TOB2: variants seen among roughly 807,000 people sequenced by gnomAD.
TOB2 encodes the protein protein Tob2.
A neutral mutation model predicts 17.3 loss-of-function variants in TOB2; 3 were observed. The ratio of observed to expected loss-of-function variants is 0.17; its 90% CI spans 0.08 to 0.45. The LOEUF is 0.45. Ranked by LOEUF, TOB2 falls within the 20% of genes least tolerant of loss-of-function variation. The pLI, the probability that TOB2 is intolerant of heterozygous loss-of-function variation, is 0.99. For synonymous variants in TOB2, 163 were observed against 185.6 expected (o/e 0.88, Z 0.99); for missense variants, 407 against 445.7 (o/e 0.91, Z 0.78).
intron 1 of TOB2, among the ~76,000 whole-genome samples, chr22:41,445,036 A>C (rs999313241): frequency 6.6e-6 from 1 of 152,204 alleles, no homozygotes; most frequent in African/African-American, 2.4e-5. Context: ...GGCAGGAATC[A>C]AACCCAGTTC....
rs1478796178 is a variant in TOB2, at chr22:41,437,331, G to T, written c.15C>A (p.Ile5=). 1 of 1,613,040 alleles carries T rather than the reference G, an allele frequency of 6.2e-7. No homozygotes were observed. The highest frequency in any genetic ancestry group is 8.5e-7 in the Non-Finnish European group (1 of 1,179,708). MQLE[I]KVALNFIISY... ...AGATGATGAAGTTCAGGGCCACTTT[G>T]ATCTCTAGCTGCATGGTCCTTTCCT... The change falls in exon 2 of 2, where the codon ATC becomes ATA. Residue 5 remains isoleucine (I), a synonymous_variant. Coordinates refer to ENST00000327492, the MANE Select transcript of TOB2 (RefSeq NM_016272.4).
intron 1 of TOB2, among the ~76,000 whole-genome samples, chr22:41,442,912 C>G (rs2037634864): frequency 6.6e-6 from 1 of 152,150 alleles, no homozygotes; most frequent in Non-Finnish European, 1.5e-5. Flanking sequence ...GCAGAGGACA[C>G]TAAGATCTTT....
chr22:41,436,752 T>A lies in TOB2; in HGVS notation c.594A>T (p.Ala198=). ...STKMKKGGGA[A]SGGGVASSGA... is the part of the protein sequence containing the mutation. Reference sequence around the variant, plus strand: ...CACTGCTGGCTACACCCCCACCACTTGCTGCCCCGCCCCCCTTCTTCATCT... The same window carrying A: ...CACTGCTGGCTACACCCCCACCACTAGCTGCCCCGCCCCCCTTCTTCATCT... Residue 198 remains alanine (A), a synonymous_variant, in exon 2 of 2, where the codon GCA becomes GCT. Transcript: ENST00000327492. This position sits in a 1 kb window ranked among gnomAD's most constrained non-coding sequence, Gnocchi z 4.8. 6.2e-7 allele frequency: 1 copy of A among 1,613,874 alleles called. No homozygotes were observed.
At chr22:41,444,229 AG>A (rs1381095806) in intron 1 of TOB2, among the ~76,000 whole-genome samples, 15 of 152,158 alleles carry the variant, frequency 9.9e-5, no homozygotes, top group African/African-American at 3.6e-4. Flanking sequence ...GCAGCGGCCC[AG>A]ACAGGCGGGT....
chr22:41,443,621 AT>A (rs71184808), intron 1 of TOB2, among the ~76,000 whole-genome samples: 5,590 of 109,066 alleles, frequency 0.051, 352 homozygotes, highest in African/African-American at 0.18. Flanking sequence ...TAGCCAGAAG[AT>A]TTTTTTTTTT....
chr22:41,436,221 T>A lies in TOB2; in HGVS notation c.*90A>T. 1.4e-6 allele frequency: 2 copies of A among 1,436,064 alleles called. No homozygotes were observed. The highest frequency in any genetic ancestry group is 1.8e-6 in the Non-Finnish European group (2 of 1,090,380). 89.0% of individuals were successfully genotyped at this position (1,436,064 alleles called of 1,614,324 possible). A position where few individuals can be genotyped will look rare whatever the true frequency, so the allele number is the denominator to read the frequency against. On this transcript the variant is annotated 3_prime_UTR_variant, in exon 2 of 2. Transcript: ENST00000327492. The surrounding 1 kb of genome is among the most constrained non-coding windows in gnomAD (Gnocchi z 4.8). ...AAGAGTGAGAAGATCGAAAATCTTT[T>A]TGTACATTTTTCTTTTCCTCTTTTT... is the stretch of plus-strand genomic sequence containing the variant.
chr22:41,436,372 T>C lies in TOB2; in HGVS notation c.974A>G (p.Tyr325Cys), dbSNP rs770673524. 3 of 1,612,444 alleles carry C rather than the reference T, an allele frequency of 1.9e-6. No individual in the cohort carries two copies. Among genetic ancestry groups the C allele is most frequent in the East Asian group, 2.2e-5 (1 of 44,882 alleles). Residue 325 changes from tyrosine to cysteine, a missense_variant, in exon 2 of 2, where the codon TAC becomes TGC. By Grantham distance (194) the Tyr-to-Cys change is radical. Coordinates refer to ENST00000327492, the MANE Select transcript of TOB2 (RefSeq NM_016272.4). The surrounding 1 kb of genome is among the most constrained non-coding windows in gnomAD (Gnocchi z 4.8). ...EKTPFVEGLSYNLNTMQYPSQ... is the reference protein window; with the variant it reads ...EKTPFVEGLSCNLNTMQYPSQ... ...GGGATACTGCATGGTGTTCAGGTTG[T>C]AGCTGAGGCCTTCCACAAAGGGTGT...
rs2037517541 is a variant in TOB2 at position 41,434,065 on chromosome 22, AAACG to A, written c.*2242_*2245del. ...ACAAATGTAGCAAATTATTCAATAC[AAACG>A]GACACCAAAAAATGTAAAAAATAAA... On this transcript the variant is annotated 3_prime_UTR_variant, in exon 2 of 2. Coordinates refer to ENST00000327492, the MANE Select transcript of TOB2 (RefSeq NM_016272.4). 1 of 154,080 alleles carries A rather than the reference AAACG, an allele frequency of 6.5e-6. No homozygotes were observed. Among genetic ancestry groups the A allele is most frequent in the Non-Finnish European group, 1.4e-5 (1 of 69,184 alleles). The allele number at this position is 154,080 out of a possible 1,614,324, so 9.5% of individuals were successfully genotyped here. A position where few individuals can be genotyped will look rare whatever the true frequency, so the allele number is the denominator to read the frequency against.
Position 41,437,031 on chromosome 22 carries a change from C to T in TOB2, c.315G>A (p.Glu105=), listed in dbSNP as rs1167093888. 1.7e-5 allele frequency: 27 copies of T among 1,614,052 alleles called. No individual in the cohort carries two copies. The highest frequency in any genetic ancestry group is 2.2e-5 in the Non-Finnish European group (26 of 1,180,040). Residue 105 remains glutamate (E), a synonymous_variant, in exon 2 of 2, where the codon GAG becomes GAA. Coordinates refer to ENST00000327492, the MANE Select transcript of TOB2 (RefSeq NM_016272.4). Reference sequence around the variant, plus strand: ...GGTACAGCACTTTCACAGCTCCCTTCTCACCAATCTGGTAGGACACCTCAA... The same window carrying T: ...GGTACAGCACTTTCACAGCTCCCTTTTCACCAATCTGGTAGGACACCTCAA... The part of the protein sequence containing the change: ...DPFEVSYQIG[E]KGAVKVLYLD...
Position 41,437,145 on chromosome 22 carries a change from C to A in TOB2, c.201G>T (p.Val67=). Residue 67 remains valine (V), a synonymous_variant, in exon 2 of 2, where the codon GTG becomes GTT. Transcript: ENST00000327492. ...CVHIGEMVDP[V]VELAAKRSGL... ...CACTCCGCTTGGCGGCCAGCTCCAC[C>A]ACGGGGTCCACCATCTCCCCAATGT... is the stretch of plus-strand genomic sequence containing the variant. 2 of 1,614,140 alleles carry A rather than the reference C, an allele frequency of 1.2e-6. No individual in the cohort carries two copies. The highest frequency in any genetic ancestry group is 1.7e-6 in the Non-Finnish European group (2 of 1,179,996).
intron 1 of TOB2, among the ~76,000 whole-genome samples, chr22:41,443,666 C>T (rs897581854): frequency 7.8e-6 from 1 of 128,110 alleles, no homozygotes; most frequent in South Asian, 2.5e-4. Context: ...TTTTGTTGCC[C>T]AGGCTGGAGT....
chr22:41,440,340 A>G (rs1239437211), intron 1 of TOB2, among the ~76,000 whole-genome samples: 1 of 150,126 alleles, frequency 6.7e-6, no homozygotes, highest in East Asian at 2.0e-4. Flanking sequence ...GATGGTCTCG[A>G]ACTGCTGACT....
At chr22:41,441,740 C>T (rs1414006862) in intron 1 of TOB2, among the ~76,000 whole-genome samples, 1 of 151,760 alleles carries the variant, frequency 6.6e-6, no homozygotes, top group Non-Finnish European at 1.5e-5. Context: ...GGTGAAACCC[C>T]GTCTCTACTA....
Position 41,437,354 on chromosome 22 carries a change from C to T in TOB2, c.-9G>A. ...TTGATCTCTAGCTGCATGGTCCTTT[C>T]CTAGGCAGAGAATCAGCACAGGGCA... On this transcript the variant is annotated 5_prime_UTR_variant, in exon 2 of 2. Coordinates refer to ENST00000327492, the MANE Select transcript of TOB2 (RefSeq NM_016272.4). 6.2e-7 allele frequency: 1 copy of T among 1,607,586 alleles called. No individual in the cohort carries two copies. Among genetic ancestry groups the T allele is most frequent in the Non-Finnish European group, 8.5e-7 (1 of 1,176,932 alleles).
At chr22:41,438,173 T>C (rs1290446757) in intron 1 of TOB2, among the ~76,000 whole-genome samples, 1 of 152,034 alleles carries the variant, frequency 6.6e-6, no homozygotes, top group African/African-American at 2.4e-5. Flanking sequence ...AAGTTTAAAA[T>C]ATTTGGTTGT....
At chr22:41,442,269 G>T (rs927354119) in intron 1 of TOB2, among the ~76,000 whole-genome samples, 1 of 152,062 alleles carries the variant, frequency 6.6e-6, no homozygotes, top group African/African-American at 2.4e-5. Context: ...TGCACCTCTT[G>T]GTATTTCCAC....
rs927971131 is a variant in TOB2 at position 41,434,561 on chromosome 22, C to G, written c.*1750G>C. ...CCTGCCGGGGGAGGTAGAGCTGGTG[C>G]CTACTGCAGGGAGAGGAGGCTGGCA... On this transcript the variant is annotated 3_prime_UTR_variant, in exon 2 of 2. Transcript: ENST00000327492. 1 of 153,048 alleles carries G rather than the reference C, an allele frequency of 6.5e-6. No homozygotes were observed. The highest frequency in any genetic ancestry group is 2.4e-5 in the African/African-American group (1 of 41,430). 9.5% of individuals were successfully genotyped at this position (153,048 alleles called of 1,614,324 possible). A position where few individuals can be genotyped will look rare whatever the true frequency, so the allele number is the denominator to read the frequency against.
chr22:41,437,416 T>A lies in TOB2; in HGVS notation c.-62-9A>T. ...TTGGGCTCCAGGCGGCTCTGGGAAA[T>A]GAGAGGCACCGTGAGAAAATATGCA... On this transcript the variant is annotated splice_polypyrimidine_tract_variant and intron_variant, in intron 1 of 1. Transcript: ENST00000327492. The A allele has an allele frequency of 6.6e-7, 1 of 1,525,682 alleles. No individual in the cohort carries two copies. Among genetic ancestry groups the A allele is most frequent in the Non-Finnish European group, 8.8e-7 (1 of 1,141,356 alleles). The allele number at this position is 1,525,682 out of a possible 1,614,324, so 94.5% of individuals were successfully genotyped here.
At chr22:41,441,332 A>G (rs1441718346) in intron 1 of TOB2, among the ~76,000 whole-genome samples, 1 of 151,134 alleles carries the variant, frequency 6.6e-6, no homozygotes, top group Non-Finnish European at 1.5e-5. Context: ...AAAAAAAGTA[A>G]GAATAGTAGA....
Sources: gnomAD v4.1 joint callset for allele counts (sites outside exome capture counted in the v4.1 genomes callset) on GRCh38, gnomAD v4.1.1 for gene constraint, Gnocchi (gnomAD v3.1) non-coding constraint, MANE v1.5 for transcripts, NCBI Gene and HGNC (gene_info 2026-07-23, HGNC 2026-07-21) for gene names.